The following GPC6 variants were observed in gnomAD, a reference collection of about 807,000 sequenced individuals.
GPC6 encodes glypican 6, also known as glypican-6.
In GPC6, 14 loss-of-function variants were observed where a neutral mutation model predicts 55.2. The ratio of observed to expected loss-of-function variants is 0.25; its 90% CI spans 0.17 to 0.40. The LOEUF (loss-of-function observed/expected upper bound fraction) is 0.40. Ranked by LOEUF, GPC6 falls within the 10% of genes least tolerant of loss-of-function variation. GPC6 has a pLI of 1.00. For synonymous variants in GPC6, 278 were observed against 259.6 expected (o/e 1.07, Z -0.68); for missense variants, 641 against 708.5 (o/e 0.90, Z 1.08).
At chr13:93,987,930 CTGCCTCCT>C (rs987287138) in intron 3 of GPC6, among the ~76,000 whole-genome samples, 3 of 152,144 alleles carry the variant, frequency 2.0e-5, no homozygotes, top group Non-Finnish European at 4.4e-5. Context: ...AAAGGGTCAA[CTGCCTCCT>C]TGCCTCTTGT....
intron 3 of GPC6, among the ~76,000 whole-genome samples, chr13:93,870,568 T>C (rs1211619519): frequency 6.6e-6 from 1 of 151,824 alleles, no homozygotes; most frequent in East Asian, 2.0e-4. Flanking sequence ...AATTCATATG[T>C]TGAAGCCCTA....
intron 2 of GPC6, among the ~76,000 whole-genome samples, chr13:93,803,074 T>C (rs1886429180): frequency 6.6e-6 from 1 of 152,228 alleles, no homozygotes; most frequent in African/African-American, 2.4e-5. Flanking sequence ...CTGACATTGT[T>C]TAACCCGTCC....
intron 4 of GPC6, among the ~76,000 whole-genome samples, chr13:94,064,248 A>G (rs1035665995): frequency 5.3e-5 from 8 of 152,226 alleles, no homozygotes; most frequent in African/African-American, 1.9e-4. Flanking sequence ...CAGTTCGTCT[A>G]TCTAAAACAT....
chr13:93,793,696 T>C (rs1416305203), intron 2 of GPC6, among the ~76,000 whole-genome samples: 2 of 152,186 alleles, frequency 1.3e-5, no homozygotes, highest in African/African-American at 4.8e-5. Flanking sequence ...GTGATGAAGA[T>C]GACGGAGAAG....
At chr13:94,214,430 T>G (rs1890169831) in intron 4 of GPC6, among the ~76,000 whole-genome samples, 1 of 152,206 alleles carries the variant, frequency 6.6e-6, no homozygotes, top group Non-Finnish European at 1.5e-5. Flanking sequence ...ACAAATTGAA[T>G]TTTTTATTAG....
intron 1 of GPC6, among the ~76,000 whole-genome samples, chr13:93,469,277 T>C (rs1464224103): frequency 1.3e-5 from 2 of 152,206 alleles, no homozygotes. Context: ...AACTGTCTAC[T>C]TCAAGTGGTT....
chr13:93,808,040 G>C (rs1886590463), intron 2 of GPC6, among the ~76,000 whole-genome samples: 2 of 152,152 alleles, frequency 1.3e-5, no homozygotes, highest in African/African-American at 2.4e-5. Context: ...AAATTAAGTA[G>C]GCCACTTACA....
chr13:94,170,435 G>T (rs1353243330), intron 4 of GPC6, among the ~76,000 whole-genome samples: 1 of 152,174 alleles, frequency 6.6e-6, no homozygotes, highest in Non-Finnish European at 1.5e-5. Flanking sequence ...GTTGTGAGGT[G>T]GCTGCTGGCT....
At chr13:94,125,366 G>C (rs976113588) in intron 4 of GPC6, among the ~76,000 whole-genome samples, 1 of 151,958 alleles carries the variant, frequency 6.6e-6, no homozygotes, top group Non-Finnish European at 1.5e-5. Flanking sequence ...GAAATAGCTC[G>C]TCTTATGATC....
intron 4 of GPC6, among the ~76,000 whole-genome samples, chr13:94,133,761 C>T (rs1452344609): frequency 1.3e-5 from 2 of 150,498 alleles, no homozygotes; most frequent in Admixed American, 1.3e-4. Context: ...ATTAAAAGAA[C>T]AAGAAACATT....
chr13:93,996,413 T>G (rs2140420171), intron 3 of GPC6, among the ~76,000 whole-genome samples: 1 of 152,272 alleles, frequency 6.6e-6, no homozygotes, highest in African/African-American at 2.4e-5. Flanking sequence ...TCAGACTTGG[T>G]TTCAATAAAA....
At chr13:93,884,030 A>T (rs1013423907) in intron 3 of GPC6, among the ~76,000 whole-genome samples, 1 of 152,124 alleles carries the variant, frequency 6.6e-6, no homozygotes, top group Non-Finnish European at 1.5e-5. Flanking sequence ...AGCTTGAAGT[A>T]TTTGTCCACA....
chr13:93,879,367 T>G (rs1951450964), intron 3 of GPC6, among the ~76,000 whole-genome samples: 1 of 152,054 alleles, frequency 6.6e-6, no homozygotes, highest in Non-Finnish European at 1.5e-5. Flanking sequence ...AAAACAGAGA[T>G]ATAGATCAAT....
intron 4 of GPC6, among the ~76,000 whole-genome samples, chr13:94,226,328 T>C (rs752253360): frequency 7.2e-5 from 11 of 151,926 alleles, no homozygotes; most frequent in African/African-American, 2.2e-4. Flanking sequence ...AGAGTTACAG[T>C]TGGATAGGAG....
chr13:93,675,767 C>A lies in GPC6; in HGVS notation c.319+130346C>A, dbSNP rs193114671. 4.6e-3 allele frequency among the ~76,000 whole-genome samples: 707 copies of A among 152,208 alleles called. 9 individuals carry two copies. The highest frequency in any genetic ancestry group is 0.016 in the African/African-American group (668 of 41,512). The stretch of plus-strand genomic sequence containing the variant: ...TTAGAACATATAAGAATGTTGATTA[C>A]TCCACATAACCAAAACTAGAGATAG... On this transcript the variant is annotated intron_variant, in intron 2 of 8. Coordinates refer to ENST00000377047, the MANE Select transcript of GPC6 (RefSeq NM_005708.5).
At chr13:93,914,584 G>A (rs531731575) in intron 3 of GPC6, among the ~76,000 whole-genome samples, 1 of 152,212 alleles carries the variant, frequency 6.6e-6, no homozygotes, top group Non-Finnish European at 1.5e-5. Context: ...TTTCTCATCG[G>A]TCTTATTCCC....
At chr13:94,106,501 A>G (rs1886059667) in intron 4 of GPC6, among the ~76,000 whole-genome samples, 1 of 152,080 alleles carries the variant, frequency 6.6e-6, no homozygotes, top group South Asian at 2.1e-4. Context: ...CTGTTTCCAT[A>G]TTAAGAAGAG....
At chr13:93,223,452 TG>T (rs1343293133), upstream of GPC6, among the ~76,000 whole-genome samples, 17 of 152,208 alleles carry the variant, frequency 1.1e-4, no homozygotes, top group African/African-American at 1.4e-4. Flanking sequence ...TTGTTTGTTT[TG>T]TTTTTTTTGA....
intron 4 of GPC6, among the ~76,000 whole-genome samples, chr13:94,037,830 C>T (rs184288530): frequency 6.6e-6 from 1 of 152,090 alleles, no homozygotes; most frequent in African/African-American, 2.4e-5. Flanking sequence ...ATATTGCCAG[C>T]ACTGTCTAAT....
Sources: gnomAD v4.1 joint callset for allele counts (sites outside exome capture counted in the v4.1 genomes callset) on GRCh38, gnomAD v4.1.1 for gene constraint, MANE v1.5 for transcripts, NCBI Gene and HGNC (gene_info 2026-07-23, HGNC 2026-07-21) for gene names.